RALYL: variants seen among roughly 807,000 people sequenced by gnomAD.
The protein encoded by RALYL is RALY RNA binding protein like.
A neutral mutation model predicts 35.1 loss-of-function variants in RALYL; 29 were observed. The ratio of observed to expected loss-of-function variants is 0.83; its 90% CI spans 0.61 to 1.13. RALYL has a LOEUF of 1.13. RALYL is among the 50% of genes most tolerant of loss of function. The pLI is 0.00. For synonymous variants in RALYL, 120 were observed against 127.6 expected (o/e 0.94, Z 0.40); for missense variants, 359 against 360.4 (o/e 1.00, Z 0.03).
At chr8:84,686,794 T>C (rs572098772) in intron 2 of RALYL, among the ~76,000 whole-genome samples, 120 of 152,272 alleles carry the variant, frequency 7.9e-4, no homozygotes, top group Middle Eastern at 3.4e-3. Context: ...CATTTGATTA[T>C]TTATTTCTTA....
rs368547725 is a variant in RALYL, at chr8:84,848,926, A to C, written c.366-1054A>C. On this transcript the variant is annotated intron_variant, in intron 4 of 8. Transcript: ENST00000521268. The stretch of plus-strand genomic sequence containing the variant: ...CTTCCAGGTTGGGGAGTGTTGCGAG[A>C]TGTTGTCAAAATGACCCCACTTGTG... 3.9e-5 allele frequency among the ~76,000 whole-genome samples: 6 copies of C among 152,150 alleles called. No individual in the cohort carries two copies. In the East Asian group the frequency reaches 5.8e-4, roughly 15 times the overall value.
intron 1 of RALYL, among the ~76,000 whole-genome samples, chr8:84,471,262 A>G (rs1356317493): frequency 6.6e-6 from 1 of 152,076 alleles, no homozygotes. Context: ...CTCTTTGTTT[A>G]GGCTTTTTCA....
At chr8:84,890,797 A>G (rs539650543) in intron 8 of RALYL, among the ~76,000 whole-genome samples, 29 of 112,482 alleles carry the variant, frequency 2.6e-4, no homozygotes, top group Admixed American at 2.3e-3. Flanking sequence ...TTTGTCAGAT[A>G]GTGCAAAAAA....
intron 2 of RALYL, among the ~76,000 whole-genome samples, chr8:84,639,031 A>G (rs1033924664): frequency 6.7e-6 from 1 of 148,150 alleles, no homozygotes; most frequent in Non-Finnish European, 1.5e-5. Context: ...TATTTAATGT[A>G]TTATATTAGG....
chr8:84,840,760 A>G (rs540800396), intron 4 of RALYL, among the ~76,000 whole-genome samples: 2,361 of 152,280 alleles, frequency 0.016, 61 homozygotes, highest in African/African-American at 0.053. Flanking sequence ...CAGACTAACA[A>G]CTGATCTCTC....
In RALYL at chr8:84,794,727, A is replaced by G. The variant is rs190020147; in HGVS notation, c.333-10043A>G. Among the ~76,000 whole-genome samples, 79 of 152,248 alleles carry G rather than the reference A, an allele frequency of 5.2e-4. 1 individual carries two copies. Among genetic ancestry groups the G allele is most frequent in the Middle Eastern group, 6.8e-3 (2 of 294 alleles). On this transcript the variant is annotated intron_variant, in intron 3 of 8. Coordinates refer to ENST00000521268, the MANE Select transcript of RALYL (RefSeq NM_173848.7). ...CAGCACCATCCTCACTGCTGCCCCC[A>G]AAGCTGTTGGAGCATTTCAATTATC...
chr8:84,795,530 A>G (rs763340745), intron 3 of RALYL, among the ~76,000 whole-genome samples: 3 of 152,224 alleles, frequency 2.0e-5, no homozygotes, highest in Non-Finnish European at 4.4e-5. Context: ...TTAAATATAC[A>G]TTATTATTTG....
At chr8:84,546,219 G>C (rs947900302) in intron 2 of RALYL, among the ~76,000 whole-genome samples, 1 of 151,954 alleles carries the variant, frequency 6.6e-6, no homozygotes, top group Non-Finnish European at 1.5e-5. Context: ...TCAACTTCCC[G>C]GGCTCAAGTG....
chr8:84,296,897 A>AT (rs1223878583), intron 1 of RALYL, among the ~76,000 whole-genome samples: 3 of 151,832 alleles, frequency 2.0e-5, no homozygotes, highest in South Asian at 2.1e-4. Context: ...AAATATTGGC[A>AT]TTTTTTTAAT....
At chr8:84,313,294 A>G (rs1843145993) in intron 1 of RALYL, among the ~76,000 whole-genome samples, 1 of 152,118 alleles carries the variant, frequency 6.6e-6, no homozygotes, top group Admixed American at 6.6e-5. Context: ...GGCTGTCTCA[A>G]AGATCTCTGA....
At chr8:84,435,201 T>C (rs2047570580) in intron 1 of RALYL, among the ~76,000 whole-genome samples, 1 of 151,722 alleles carries the variant, frequency 6.6e-6, no homozygotes, top group Non-Finnish European at 1.5e-5. Context: ...ATTATTTCTT[T>C]CTGTACCAGA....
At chr8:84,317,783 C>CT (rs1844034143) in intron 1 of RALYL, among the ~76,000 whole-genome samples, 1 of 152,102 alleles carries the variant, frequency 6.6e-6, no homozygotes, top group African/African-American at 2.4e-5. Context: ...TCAATCTGTG[C>CT]TTTTTTGTCT....
intron 3 of RALYL, among the ~76,000 whole-genome samples, chr8:84,783,329 A>C (rs1818635406): frequency 6.6e-6 from 1 of 152,216 alleles, no homozygotes; most frequent in Non-Finnish European, 1.5e-5. Flanking sequence ...TTATCGAATA[A>C]ACATTAAGCC....
intron 1 of RALYL, among the ~76,000 whole-genome samples, chr8:84,521,555 C>T (rs1252023334): frequency 2.0e-5 from 3 of 152,106 alleles, no homozygotes; most frequent in Admixed American, 1.3e-4. Flanking sequence ...AGAATAGAAC[C>T]CTCTGCCAAA....
chr8:84,700,150 ACT>A (rs1839935871), intron 2 of RALYL, among the ~76,000 whole-genome samples: 1 of 152,050 alleles, frequency 6.6e-6, no homozygotes, highest in Non-Finnish European at 1.5e-5. Flanking sequence ...AAAAGATAAA[ACT>A]CAGATAAAAT....
At chr8:84,918,731 C>T (rs887774308) in intron 8 of RALYL, among the ~76,000 whole-genome samples, 1 of 152,108 alleles carries the variant, frequency 6.6e-6, no homozygotes, top group African/African-American at 2.4e-5. Context: ...TATGTTTTGA[C>T]ATTGTTTTTA....
At chr8:84,728,950 C>A (rs549441903) in intron 2 of RALYL, among the ~76,000 whole-genome samples, 3 of 152,230 alleles carry the variant, frequency 2.0e-5, no homozygotes, top group Non-Finnish European at 4.4e-5. Flanking sequence ...ATTGACTTAG[C>A]AATGTGGGCT....
chr8:84,823,438 A>C (rs990532652), intron 4 of RALYL, among the ~76,000 whole-genome samples: 1 of 152,220 alleles, frequency 6.6e-6, no homozygotes, highest in Non-Finnish European at 1.5e-5. Context: ...CTGCAGGACT[A>C]GTGGTACCTA....
At chr8:84,909,901 A>G (rs531321571) in intron 8 of RALYL, among the ~76,000 whole-genome samples, 2 of 152,296 alleles carry the variant, frequency 1.3e-5, no homozygotes, top group South Asian at 4.1e-4. Context: ...GAACCCAGGT[A>G]TATTAAGGAG....
Sources: gnomAD v4.1 joint callset for allele counts (sites outside exome capture counted in the v4.1 genomes callset) on GRCh38, gnomAD v4.1.1 for gene constraint, MANE v1.5 for transcripts, NCBI Gene and HGNC (gene_info 2026-07-23, HGNC 2026-07-21) for gene names.